Variants in RPTOR observed in about 807,000 individuals in gnomAD.
The protein encoded by RPTOR is regulatory-associated protein of mTOR.
RPTOR carries 21 observed loss-of-function variants against 169.9 expected under a neutral mutation model. The ratio of observed to expected loss-of-function variants is 0.12; its 90% CI spans 0.09 to 0.18. The LOEUF is 0.18. Among genes scored for constraint, RPTOR ranks in the 10% least tolerant of loss-of-function variants. RPTOR has a pLI of 1.00. For missense variants in RPTOR, 1,133 were observed against 1,855.9 expected (o/e 0.61, Z 7.16); for synonymous variants, 732 against 753.2 (o/e 0.97, Z 0.46).
At chr17:80,854,861 C>T (rs1221251650) in intron 11 of RPTOR, among the ~76,000 whole-genome samples, 2 of 152,192 alleles carry the variant, frequency 1.3e-5, no homozygotes, top group Non-Finnish European at 2.9e-5. Flanking sequence ...CATCTATACT[C>T]TAGCTTGGGC....
rs1567943102 is a variant in RPTOR at position 80,841,297 on chromosome 17, A to AC, written c.1212+3301dup. On this transcript the variant is annotated intron_variant, in intron 10 of 33. Coordinates refer to ENST00000306801, the MANE Select transcript of RPTOR (RefSeq NM_020761.3). ...TCTCACCGCACGGCAGCTCACTCTC[A>AC]CAGCACGGCAGCTCACACTCACCGC... Among the ~76,000 whole-genome samples, 4 of 75,838 alleles carry AC rather than the reference A, an allele frequency of 5.3e-5. 1 individual carries two copies. Among genetic ancestry groups the AC allele is most frequent in the African/African-American group, 2.2e-4 (4 of 18,332 alleles). 49.8% of individuals were successfully genotyped at this position (75,838 alleles called of 152,430 possible).
chr17:80,880,822 C>T (rs947565910), intron 14 of RPTOR, among the ~76,000 whole-genome samples: 1 of 152,166 alleles, frequency 6.6e-6, no homozygotes, highest in African/African-American at 2.4e-5. Flanking sequence ...CCGCGTTAGA[C>T]TAGTGAGCGC....
intron 9 of RPTOR, 126 bp from the exon 10 acceptor site, chr17:80,837,796 G>A: frequency 1.2e-6 from 1 of 837,358 alleles, no homozygotes; most frequent in Non-Finnish European, 2.0e-6. Flanking sequence ...CCCCCCACCA[G>A]CTGCCGTGGC....
Position 80,625,781 on chromosome 17 carries a change from G to A in RPTOR, c.253G>A (p.Glu85Lys). 6.2e-7 allele frequency: 1 copy of A among 1,610,980 alleles called. No homozygotes were observed. Among genetic ancestry groups the A allele is most frequent in the Non-Finnish European group, 8.5e-7 (1 of 1,178,094 alleles). ...VVKTTPCARL[E>K]CWIDPLSMGP... ...GAAGACCACGCCCTGTGCACGCTTG[G>A]AATGCTGGATCGGTGAGTATGCCTC... Residue 85 changes from glutamate to lysine, a missense_variant, in exon 2 of 34, where the codon GAA becomes AAA. Physicochemically the swap from Glu to Lys is moderately conservative, Grantham distance 56. This residue lies in a region of RPTOR where 74 missense variants were observed against 168.3 expected (regional missense o/e 0.44). Coordinates refer to ENST00000306801, the MANE Select transcript of RPTOR (RefSeq NM_020761.3).
chr17:80,847,247 G>A (rs534149801), intron 11 of RPTOR, among the ~76,000 whole-genome samples: 1 of 152,256 alleles, frequency 6.6e-6, no homozygotes, highest in Non-Finnish European at 1.5e-5. Context: ...TGCTGTTCAC[G>A]TGCAGACCAT....
intron 20 of RPTOR, among the ~76,000 whole-genome samples, chr17:80,894,638 C>G (rs1345568364): frequency 6.6e-6 from 1 of 152,226 alleles, no homozygotes; most frequent in Non-Finnish European, 1.5e-5. Flanking sequence ...AGGGCTTAAC[C>G]AAATGAGCCT....
In RPTOR at chr17:80,964,424, G is replaced by T. The variant is rs1195689607; in HGVS notation, c.*94G>T. On this transcript the variant is annotated 3_prime_UTR_variant, in exon 34 of 34. Coordinates refer to ENST00000306801, the MANE Select transcript of RPTOR (RefSeq NM_020761.3). ...ACGGGGCGTCGGCTGCTGCGGCCCC[G>T]CAGTGTGAACGTTGGCTGCTGCCTT... The T allele has an allele frequency of 1.6e-6, 2 of 1,285,202 alleles. No homozygotes were observed. The highest frequency in any genetic ancestry group is 2.2e-6 in the Non-Finnish European group (2 of 898,476). 79.6% of individuals were successfully genotyped at this position (1,285,202 alleles called of 1,614,324 possible).
rs529153711 is a variant in RPTOR, at chr17:80,783,322, C to A, written c.831-8128C>A. ...TTTTTATTATAGGACAGTTTTCAAC[C>A]ATTCTGTGGAACAGTTGAGAGGATG... On this transcript the variant is annotated intron_variant, in intron 6 of 33. Coordinates refer to ENST00000306801, the MANE Select transcript of RPTOR (RefSeq NM_020761.3). 4.6e-5 allele frequency among the ~76,000 whole-genome samples: 7 copies of A among 152,318 alleles called. No individual in the cohort carries two copies. In the South Asian group the frequency reaches 1.5e-3, roughly 32 times the overall value.
intron 6 of RPTOR, among the ~76,000 whole-genome samples, chr17:80,771,338 C>T (rs1251598926): frequency 1.3e-5 from 2 of 152,190 alleles, no homozygotes; most frequent in African/African-American, 4.8e-5. Context: ...CCTCTGCCAG[C>T]GCTTTCCTCG....
At position 80,865,449 on chromosome 17, in the gene RPTOR, G is replaced by A. The variant is rs371690087; in HGVS notation, c.1509+7549G>A. ...ACGAGTAGATTGAAGGCAAAAGGAC[G>A]GGAAGAGCTCTGCCATGCAGGCACT... is the stretch of plus-strand genomic sequence containing the variant. On this transcript the variant is annotated intron_variant, in intron 13 of 33. Transcript: ENST00000306801. Among the ~76,000 whole-genome samples, 173 of 152,260 alleles carry A rather than the reference G, an allele frequency of 1.1e-3. 1 individual carries two copies. Among genetic ancestry groups the A allele is most frequent in the East Asian group, 2.9e-3 (15 of 5,160 alleles).
chr17:80,924,914 C>G (rs778499179), intron 23 of RPTOR, among the ~76,000 whole-genome samples: 3 of 152,238 alleles, frequency 2.0e-5, no homozygotes, highest in Non-Finnish European at 4.4e-5. Context: ...GCTGGGAGCT[C>G]CAGCCGGCCT....
intron 17 of RPTOR, among the ~76,000 whole-genome samples, chr17:80,891,166 G>C (rs971463412): frequency 6.6e-6 from 1 of 152,186 alleles, no homozygotes; most frequent in African/African-American, 2.4e-5. Context: ...AAGGCATTTG[G>C]TCCTAAAGAT....
intron 1 of RPTOR, among the ~76,000 whole-genome samples, chr17:80,563,200 G>A (rs1340656998): frequency 1.3e-5 from 2 of 148,868 alleles, no homozygotes; most frequent in Non-Finnish European, 3.0e-5. Context: ...AGGCATGAAT[G>A]TTTTCCCTGA....
chr17:80,965,072 G>GC lies in RPTOR; in HGVS notation c.*743dup, dbSNP rs2069408964. ...AGAGCTGTCAGCAGGGGCCGCTGTG[G>GC]CGGTGCACAGGGGAGGCAGGTCCTT... On this transcript the variant is annotated 3_prime_UTR_variant, in exon 34 of 34. Coordinates refer to ENST00000306801, the MANE Select transcript of RPTOR (RefSeq NM_020761.3). 1 of 233,196 alleles carries GC rather than the reference G, an allele frequency of 4.3e-6. No individual in the cohort carries two copies. Among genetic ancestry groups the GC allele is most frequent in the African/African-American group, 2.2e-5 (1 of 45,342 alleles). 14.4% of individuals were successfully genotyped at this position (233,196 alleles called of 1,614,324 possible).
chr17:80,662,144 C>A (rs35929483), intron 3 of RPTOR, among the ~76,000 whole-genome samples: 15,958 of 152,110 alleles, frequency 0.1, 945 homozygotes, highest in Middle Eastern at 0.13. Context: ...ACACTCAAAG[C>A]AAGATGGAGA....
At chr17:80,840,951 G>A (rs1322553877) in intron 10 of RPTOR, among the ~76,000 whole-genome samples, 5 of 78,350 alleles carry the variant, frequency 6.4e-5, no homozygotes, top group Admixed American at 1.2e-4. Flanking sequence ...CTGCACCGCA[G>A]CTCACACTCA....
At chr17:80,676,949 A>C (rs2065865378) in intron 3 of RPTOR, among the ~76,000 whole-genome samples, 1 of 152,180 alleles carries the variant, frequency 6.6e-6, no homozygotes, top group South Asian at 2.1e-4. Context: ...TATTTTAATA[A>C]TCAGTTTCAG....
chr17:80,617,779 A>C (rs1278881020), intron 1 of RPTOR, among the ~76,000 whole-genome samples: 1 of 152,100 alleles, frequency 6.6e-6, no homozygotes, highest in African/African-American at 2.4e-5. Context: ...CTAGCTCCTC[A>C]CGCAGTCCTT....
chr17:80,578,975 T>G (rs903524410), intron 1 of RPTOR, among the ~76,000 whole-genome samples: 11 of 152,110 alleles, frequency 7.2e-5, no homozygotes, highest in Non-Finnish European at 1.0e-4. Context: ...TAGCAGTAAT[T>G]TTAAGGTTTT....
Sources: allele counts gnomAD v4.1 joint callset (sites outside exome capture counted in the v4.1 genomes callset), GRCh38; gene constraint gnomAD v4.1.1; regional missense constraint gnomAD v4.1.1; transcripts MANE v1.5; gene names NCBI Gene and HGNC (gene_info 2026-07-23, HGNC 2026-07-21).